Variants in ZBTB20 observed in about 807,000 individuals in gnomAD.
The protein encoded by ZBTB20 is zinc finger and BTB domain containing 20, also known as zinc finger and BTB domain-containing protein 20.
A neutral mutation model predicts 56.9 loss-of-function variants in ZBTB20; 9 were observed. The observed-to-expected ratio is 0.16, with a 90% confidence interval of 0.10 to 0.28. ZBTB20 has a LOEUF of 0.28. Among genes scored for constraint, ZBTB20 ranks in the 10% least tolerant of loss-of-function variants. The probability of loss-of-function intolerance (pLI) is 1.00; values close to 1 mark genes in which losing one functional copy is unlikely to be tolerated. For synonymous variants in ZBTB20, 417 were observed against 420.7 expected, an observed-to-expected ratio of 0.99 and a Z score of 0.11; for missense variants, 655 against 1,003.0, an observed-to-expected ratio of 0.65 and a Z score of 4.69.
chr3:114,820,311 T>G (rs921108132), intron 4 of ZBTB20, among the ~76,000 whole-genome samples: 10 of 151,990 alleles, frequency 6.6e-5, no homozygotes, highest in African/African-American at 2.4e-4. Flanking sequence ...GACTCAGAAT[T>G]AATAAAATTA....
At chr3:115,057,640 T>C (rs1249908270) in intron 2 of ZBTB20, among the ~76,000 whole-genome samples, 1 of 152,204 alleles carries the variant, frequency 6.6e-6, no homozygotes, top group East Asian at 1.9e-4. Context: ...GGTACTCCTC[T>C]TTACTTTGTG....
intron 6 of ZBTB20, among the ~76,000 whole-genome samples, chr3:114,663,003 G>T (rs2108093657): frequency 6.7e-6 from 1 of 150,208 alleles, no homozygotes; most frequent in Non-Finnish European, 1.5e-5. Context: ...ATCTAGCAAG[G>T]CAGGCCAACG....
chr3:114,982,852 T>C (rs1238594507), intron 2 of ZBTB20, among the ~76,000 whole-genome samples: 1 of 152,172 alleles, frequency 6.6e-6, no homozygotes, highest in East Asian at 1.9e-4. Context: ...TATAGACTTT[T>C]ATGAAGAAAT....
chr3:114,418,598 A>AAT (rs397764457), intron 7 of ZBTB20, among the ~76,000 whole-genome samples: 6 of 151,448 alleles, frequency 4.0e-5, no homozygotes, highest in Admixed American at 3.9e-4. Flanking sequence ...AAAAAAAAAA[A>AAT]TCAAGCAGTG....
At chr3:114,401,109 C>T (rs983949730) in intron 7 of ZBTB20, among the ~76,000 whole-genome samples, 1 of 151,786 alleles carries the variant, frequency 6.6e-6, no homozygotes, top group Non-Finnish European at 1.5e-5. Flanking sequence ...CACACACACA[C>T]ACACACACAC....
chr3:114,419,473 G>T (rs1470030206), intron 7 of ZBTB20, among the ~76,000 whole-genome samples: 1 of 151,870 alleles, frequency 6.6e-6, no homozygotes, highest in Non-Finnish European at 1.5e-5. Context: ...TGGTACTGTG[G>T]GTATATATTT....
chr3:114,449,458 C>T (rs1401350534), intron 7 of ZBTB20, among the ~76,000 whole-genome samples: 1 of 151,888 alleles, frequency 6.6e-6, no homozygotes, highest in Admixed American at 6.6e-5. Flanking sequence ...AGAAAGGTAA[C>T]CAAGTGAGGA....
chr3:114,892,446 T>C (rs929176681), intron 4 of ZBTB20, among the ~76,000 whole-genome samples: 4 of 152,210 alleles, frequency 2.6e-5, no homozygotes, highest in Non-Finnish European at 1.5e-5. Flanking sequence ...TTTTTGGATT[T>C]GCATGGTCAG....
intron 8 of ZBTB20, among the ~76,000 whole-genome samples, chr3:114,382,205 C>T (rs982965555): frequency 2.0e-5 from 3 of 152,162 alleles, no homozygotes; most frequent in Admixed American, 1.3e-4. Context: ...TATTTTTTCT[C>T]ACATCTGTGT....
At chr3:114,741,111 A>G (rs2066539111) in intron 5 of ZBTB20, among the ~76,000 whole-genome samples, 2 of 152,214 alleles carry the variant, frequency 1.3e-5, no homozygotes, top group South Asian at 4.1e-4. Context: ...AAATCTCAGT[A>G]GGGACTCTGT....
chr3:114,701,055 G>T (rs1385567724), intron 5 of ZBTB20, among the ~76,000 whole-genome samples: 1 of 152,178 alleles, frequency 6.6e-6, no homozygotes, highest in Non-Finnish European at 1.5e-5. Context: ...TTAATCTAGA[G>T]TGAGCCAAGG....
At position 114,326,106 on chromosome 3, in the gene ZBTB20, A is replaced by G. The variant is rs1235428188; in HGVS notation, c.*12899T>C. The G allele has an allele frequency of 6.6e-6, 1 of 152,196 alleles. No homozygotes were observed. Among genetic ancestry groups the G allele is most frequent in the East Asian group, 1.9e-4 (1 of 5,198 alleles). The allele number at this position is 152,196 out of a possible 1,614,324, so 9.4% of individuals were successfully genotyped here. A position where few individuals can be genotyped will look rare whatever the true frequency, so the allele number is the denominator to read the frequency against. On this transcript the variant is annotated 3_prime_UTR_variant, in exon 12 of 12. Coordinates refer to ENST00000675478, the MANE Select transcript of ZBTB20 (RefSeq NM_001348800.3). Reference sequence around the variant, plus strand: ...GTCTTGAAATGGCTAGAAAAGCAACAACTACAATGATAAAAATCAACAGAT... The same window carrying G: ...GTCTTGAAATGGCTAGAAAAGCAACGACTACAATGATAAAAATCAACAGAT...
intron 5 of ZBTB20, among the ~76,000 whole-genome samples, chr3:114,776,642 T>C (rs948993687): frequency 2.0e-5 from 3 of 152,216 alleles, no homozygotes; most frequent in African/African-American, 7.2e-5. Flanking sequence ...TGGTAGTTTG[T>C]TATAGCAGCC....
chr3:114,345,074 G>A (rs1017575823), intron 11 of ZBTB20, among the ~76,000 whole-genome samples: 3 of 152,152 alleles, frequency 2.0e-5, no homozygotes, highest in Non-Finnish European at 2.9e-5. Flanking sequence ...TAAAACTCTT[G>A]CTGTGAAAAG....
chr3:115,003,885 T>C (rs548504873), intron 2 of ZBTB20, among the ~76,000 whole-genome samples: 5 of 151,802 alleles, frequency 3.3e-5, no homozygotes, highest in Non-Finnish European at 7.4e-5. Context: ...TCAATATGGA[T>C]TTTTAAAAAC....
Position 114,909,743 on chromosome 3 carries a change from A to G in ZBTB20, c.-455-9401T>C, listed in dbSNP as rs1483094893. ...ATCACCTAACAATGCATTTCTCAGA[A>G]TGTATCCCTGTCATTACGAGATGCA... On this transcript the variant is annotated intron_variant, in intron 3 of 11. Coordinates refer to ENST00000675478, the MANE Select transcript of ZBTB20 (RefSeq NM_001348800.3). Among the ~76,000 whole-genome samples the G allele has an allele frequency of 7.2e-5, 11 of 152,192 alleles. No homozygotes were observed. In the South Asian group the frequency reaches 2.3e-3, roughly 32 times the overall value.
At chr3:114,589,554 T>C (rs2055532309) in intron 6 of ZBTB20, among the ~76,000 whole-genome samples, 1 of 152,208 alleles carries the variant, frequency 6.6e-6, no homozygotes, top group African/African-American at 2.4e-5. Context: ...GACCATTTAA[T>C]TTATTGTCCA....
At chr3:114,989,889 T>A (rs1185724329) in intron 2 of ZBTB20, among the ~76,000 whole-genome samples, 1 of 152,200 alleles carries the variant, frequency 6.6e-6, no homozygotes, top group Non-Finnish European at 1.5e-5. Context: ...TCACTCATGA[T>A]CTGGCTTTCT....
At chr3:114,711,873 T>C (rs2064109616) in intron 5 of ZBTB20, among the ~76,000 whole-genome samples, 1 of 152,232 alleles carries the variant, frequency 6.6e-6, no homozygotes, top group Non-Finnish European at 1.5e-5. Context: ...AGTGCTATTC[T>C]TCTATGTCTA....
Sources: gnomAD v4.1 joint callset for allele counts (sites outside exome capture counted in the v4.1 genomes callset) on GRCh38, gnomAD v4.1.1 for gene constraint, MANE v1.5 for transcripts, NCBI Gene and HGNC (gene_info 2026-07-23, HGNC 2026-07-21) for gene names.